The following ATP2C2 variants were observed in gnomAD, a reference collection of about 807,000 sequenced individuals.
ATP2C2 encodes ATPase secretory pathway Ca2+ transporting 2.
ATP2C2 carries 171 observed loss-of-function variants against 110.8 expected under a neutral mutation model. The observed-to-expected ratio is 1.54, with a 90% CI of 1.36 to 1.75. ATP2C2 has a LOEUF of 1.75. Among genes scored for constraint, ATP2C2 ranks in the 40% most tolerant of loss-of-function variants. The pLI, the probability that ATP2C2 is intolerant of heterozygous loss-of-function variation, is 0.00. For synonymous variants in ATP2C2, 804 were observed against 508.4 expected, an observed-to-expected ratio of 1.58 and a Z score of -7.82; for missense variants, 1,963 against 1,235.0, an observed-to-expected ratio of 1.59 and a Z score of -8.84.
At chr16:84,411,929 C>G (rs1906336936) in intron 6 of ATP2C2, among the ~76,000 whole-genome samples, 2 of 151,818 alleles carry the variant, frequency 1.3e-5, no homozygotes, top group South Asian at 4.2e-4. Flanking sequence ...TCTTTTCTTT[C>G]TTTCCTTTCT....
chr16:84,409,093 C>A (rs1469987935), intron 4 of ATP2C2, among the ~76,000 whole-genome samples: 1 of 152,176 alleles, frequency 6.6e-6, no homozygotes, highest in African/African-American at 2.4e-5. Flanking sequence ...GTTGAATGAC[C>A]TATTCTGGAT....
chr16:84,433,589 T>C (rs1275391699), intron 11 of ATP2C2, among the ~76,000 whole-genome samples: 1 of 150,580 alleles, frequency 6.6e-6, no homozygotes, highest in African/African-American at 2.5e-5. Context: ...GAGGTGGAGG[T>C]TGTGGCGAGC....
chr16:84,380,685 C>T (rs1841829986), intron 1 of ATP2C2, among the ~76,000 whole-genome samples: 1 of 152,140 alleles, frequency 6.6e-6, no homozygotes, highest in Non-Finnish European at 1.5e-5. Flanking sequence ...TTCTGCCACT[C>T]GCCAGCTGTG....
intron 1 of ATP2C2, among the ~76,000 whole-genome samples, chr16:84,370,705 G>A (rs1327741632): frequency 5.4e-5 from 8 of 147,780 alleles, no homozygotes; most frequent in African/African-American, 2.0e-4. Flanking sequence ...TTTCATACTA[G>A]TTTATTTAGG....
Position 84,422,661 on chromosome 16 carries a change from G to T in ATP2C2, c.807G>T (p.Gln269His), listed in dbSNP as rs368236760. 7.4e-6 allele frequency: 12 copies of T among 1,613,484 alleles called. No individual in the cohort carries two copies. Among genetic ancestry groups the T allele is most frequent in the South Asian group, 1.1e-5 (1 of 90,988 alleles). Residue 269 changes from glutamine to histidine, a missense_variant, in exon 9 of 27, where the codon CAG (glutamine) becomes CAT (histidine). Coordinates refer to ENST00000262429, the MANE Select transcript of ATP2C2 (RefSeq NM_014861.4). ...TGATTGGAACAGGGGAAAGCTCTCA[G>T]TTCGGAGAAGTGTTTAAGATGATGC... Reference protein sequence around the residue: ...GVVIGTGESSQFGEVFKMMQA... With the variant: ...GVVIGTGESSHFGEVFKMMQA...
intron 7 of ATP2C2, among the ~76,000 whole-genome samples, chr16:84,418,921 A>G (rs1286305193): frequency 6.6e-6 from 1 of 152,150 alleles, no homozygotes; most frequent in East Asian, 1.9e-4. Flanking sequence ...CAACAGTGCT[A>G]ACAGGGTCCA....
chr16:84,377,955 C>T (rs539216820), intron 1 of ATP2C2, among the ~76,000 whole-genome samples: 2 of 152,258 alleles, frequency 1.3e-5, no homozygotes, highest in South Asian at 4.1e-4. Flanking sequence ...CTATGACCTT[C>T]CCTAAGACCT....
chr16:84,414,488 G>C (rs13335444), intron 6 of ATP2C2, among the ~76,000 whole-genome samples: 1 of 151,822 alleles, frequency 6.6e-6, no homozygotes, highest in South Asian at 2.1e-4. Flanking sequence ...GTGCACGCGC[G>C]TGTACAGTAA....
At chr16:84,373,123 A>ACAAC in intron 1 of ATP2C2, among the ~76,000 whole-genome samples, 1 of 151,550 alleles carries the variant, frequency 6.6e-6, no homozygotes, top group Middle Eastern at 3.4e-3. Flanking sequence ...CCCTCTCAAA[A>ACAAC]AAAAAAAAAA....
At chr16:84,403,537 G>A (rs531660206) in intron 2 of ATP2C2, among the ~76,000 whole-genome samples, 1 of 152,132 alleles carries the variant, frequency 6.6e-6, no homozygotes, top group African/African-American at 2.4e-5. Context: ...TGAACTCCTG[G>A]GTTCAAGCAA....
At chr16:84,410,682 C>G in intron 5 of ATP2C2, 22 bp from the exon 6 acceptor site, 1 of 1,614,052 alleles carries the variant, frequency 6.2e-7, no homozygotes, top group Non-Finnish European at 8.5e-7. Context: ...TTAAACAGCA[C>G]ATCTGATGTG....
intron 4 of ATP2C2, among the ~76,000 whole-genome samples, chr16:84,409,875 C>G (rs1322647397): frequency 6.6e-6 from 1 of 152,152 alleles, no homozygotes; most frequent in Non-Finnish European, 1.5e-5. Context: ...AATACAAACA[C>G]AGACTCATTC....
At chr16:84,398,364 A>C (rs6564032) in intron 1 of ATP2C2, 135 bp from the exon 2 acceptor site, 27,223 of 429,002 alleles carry the variant, frequency 0.063, 3,100 homozygotes, top group African/African-American at 0.34. Flanking sequence ...TGAGATCATG[A>C]CACTGCACTC....
In ATP2C2 at chr16:84,453,239, G is replaced by A. The variant is rs1246936189; in HGVS notation, c.1929+4G>A. On this transcript the variant is annotated splice_donor_region_variant and intron_variant, in intron 19 of 26. Coordinates refer to ENST00000262429, the MANE Select transcript of ATP2C2 (RefSeq NM_014861.4). ...GCTGGCCGACCGCGTGGGGAAGGTGGGTCCCCGGAGGCTTGGCTGGCAGTG... is the reference window on the plus strand; with the variant it reads ...GCTGGCCGACCGCGTGGGGAAGGTGAGTCCCCGGAGGCTTGGCTGGCAGTG... 1 of 1,614,024 alleles carries A rather than the reference G, an allele frequency of 6.2e-7. No individual in the cohort carries two copies. The highest frequency in any genetic ancestry group is 1.7e-5 in the Admixed American group (1 of 60,026).
At position 84,461,837 on chromosome 16, in the gene ATP2C2, G is replaced by A. The variant is rs201416492; in HGVS notation, c.2580+25G>A. ...GGTGAGACCCGGGCTGACCCTCCTCGCTGCAGAGCTGCTGTGTGTTCTCGA... is the reference window on the plus strand; with the variant it reads ...GGTGAGACCCGGGCTGACCCTCCTCACTGCAGAGCTGCTGTGTGTTCTCGA... On this transcript the variant is annotated intron_variant, in intron 25 of 26. Transcript: ENST00000262429. 5.5e-5 allele frequency: 88 copies of A among 1,610,208 alleles called. 1 individual carries two copies. The African/African-American group carries it at 9.6e-4, about 18-fold the overall frequency.
chr16:84,379,850 C>T (rs546651770), intron 1 of ATP2C2, among the ~76,000 whole-genome samples: 1 of 152,246 alleles, frequency 6.6e-6, no homozygotes, highest in African/African-American at 2.4e-5. Context: ...TAATTACACA[C>T]TGAGATAAAC....
chr16:84,417,679 C>T (rs992138856), intron 7 of ATP2C2, among the ~76,000 whole-genome samples: 1 of 152,126 alleles, frequency 6.6e-6, no homozygotes, highest in Non-Finnish European at 1.5e-5. Context: ...ATTGCTTGAG[C>T]CCAGGAGTTC....
intron 1 of ATP2C2, among the ~76,000 whole-genome samples, chr16:84,396,318 G>C (rs1468349986): frequency 6.6e-6 from 1 of 152,014 alleles, no homozygotes; most frequent in Non-Finnish European, 1.5e-5. Flanking sequence ...GGCTGAGGCA[G>C]GCAGATCACC....
chr16:84,392,558 G>A (rs1904724432), intron 1 of ATP2C2, among the ~76,000 whole-genome samples: 1 of 152,154 alleles, frequency 6.6e-6, no homozygotes. Context: ...TGCCTCCTGA[G>A]TTCAAGTGAT....
Sources: gnomAD v4.1 joint callset for allele counts (sites outside exome capture counted in the v4.1 genomes callset) on GRCh38, gnomAD v4.1.1 for gene constraint, MANE v1.5 for transcripts, NCBI Gene and HGNC (gene_info 2026-07-23, HGNC 2026-07-21) for gene names.